Variants in DLGAP1 observed in about 807,000 individuals in gnomAD.
DLGAP1 encodes the protein disks large-associated protein 1.
In DLGAP1, 11 loss-of-function variants were observed where a neutral mutation model predicts 90.8. That is an observed-to-expected ratio of 0.12 (90% confidence interval 0.08 to 0.20). The LOEUF is 0.20. Among genes scored for constraint, DLGAP1 ranks in the 10% least tolerant of loss-of-function variants. DLGAP1 has a pLI of 1.00. For missense variants in DLGAP1, 1,050 were observed against 1,333.8 expected, an observed-to-expected ratio of 0.79 and a Z score of 3.31; for synonymous variants, 558 against 540.7, an observed-to-expected ratio of 1.03 and a Z score of -0.44.
chr18:4,313,380 C>T (rs1377964707), intron 1 of DLGAP1, among the ~76,000 whole-genome samples: 1 of 152,038 alleles, frequency 6.6e-6, no homozygotes, highest in Non-Finnish European at 1.5e-5. Flanking sequence ...GAAATGGCTA[C>T]CTGTTTGAGG....
chr18:3,533,074 C>T (rs2052116346), intron 10 of DLGAP1, among the ~76,000 whole-genome samples: 1 of 152,048 alleles, frequency 6.6e-6, no homozygotes, highest in Non-Finnish European at 1.5e-5. Context: ...GGCGGATTGC[C>T]TGAGTTCAGT....
intron 1 of DLGAP1, among the ~76,000 whole-genome samples, chr18:4,274,778 G>A (rs1049562694): frequency 6.6e-6 from 1 of 152,072 alleles, no homozygotes; most frequent in African/African-American, 2.4e-5. Flanking sequence ...TAGAAATGAT[G>A]TTTATTTTGT....
chr18:3,881,710 G>C (rs1394086857), intron 3 of DLGAP1, among the ~76,000 whole-genome samples: 1 of 152,026 alleles, frequency 6.6e-6, no homozygotes, highest in Non-Finnish European at 1.5e-5. Flanking sequence ...TCAGGAGATC[G>C]AGACCATCCT....
rs932150535 is a variant in DLGAP1 at position 3,901,398 on chromosome 18, G to A, written c.-72-21258C>T. On this transcript the variant is annotated intron_variant, in intron 3 of 12. Transcript: ENST00000315677. ...CACTGTGGGGTGACCACGGTTACCC[G>A]TAAGGACAATACACTTTCTGCTTTA... is the stretch of plus-strand genomic sequence containing the variant. Among the ~76,000 whole-genome samples, 12 of 152,124 alleles carry A rather than the reference G, an allele frequency of 7.9e-5. No homozygotes were observed. The South Asian group carries it at 8.3e-4, about 11-fold the overall frequency.
At chr18:3,780,381 A>G (rs1192306934) in intron 5 of DLGAP1, among the ~76,000 whole-genome samples, 1 of 152,168 alleles carries the variant, frequency 6.6e-6, no homozygotes, top group Admixed American at 6.5e-5. Flanking sequence ...CAAGGTGTCA[A>G]CAGTGCGGTG....
intron 1 of DLGAP1, among the ~76,000 whole-genome samples, chr18:4,405,342 C>A (rs775150603): frequency 2.0e-5 from 3 of 152,078 alleles, no homozygotes; most frequent in African/African-American, 4.8e-5. Context: ...TACAATACCT[C>A]CTATGTCATT....
intron 7 of DLGAP1, among the ~76,000 whole-genome samples, chr18:3,606,017 A>G (rs183439017): frequency 3.7e-4 from 56 of 151,950 alleles, no homozygotes; most frequent in African/African-American, 1.1e-3. Context: ...GGACATTAAG[A>G]AAAAAAAAGG....
In DLGAP1 at chr18:4,322,943, GAAAAAAAAAAAAA is replaced by G. The variant is rs60113288; in HGVS notation, c.-267+132050_-267+132062del. ...GCCACTGCACTCCAGCCTGGGCACA[GAAAAAAAAAAAAA>G]AAAAAAAAAAAAGGAAAAAGCTACT... On this transcript the variant is annotated intron_variant, in intron 1 of 12. Transcript: ENST00000315677. Among the ~76,000 whole-genome samples, 10 of 97,606 alleles carry G rather than the reference GAAAAAAAAAAAAA, an allele frequency of 1.0e-4. No homozygotes were observed. The Admixed American group carries it at 1.3e-3, about 12-fold the overall frequency. 64.0% of individuals were successfully genotyped at this position (97,606 alleles called of 152,430 possible).
At position 3,526,767 on chromosome 18, in the gene DLGAP1, G is replaced by A. The variant is rs954635999; in HGVS notation, c.2479+7427C>T. 1.3e-5 allele frequency among the ~76,000 whole-genome samples: 2 copies of A among 152,110 alleles called. No individual in the cohort carries two copies. Among genetic ancestry groups the A allele is most frequent in the Non-Finnish European group, 2.9e-5 (2 of 68,028 alleles). The stretch of plus-strand genomic sequence containing the variant: ...AGCTCCATCTGGTCGTTTCATCCCC[G>A]GTTAGATAATACCAGACGTATCTAT... On this transcript the variant is annotated intron_variant, in intron 10 of 12. Transcript: ENST00000315677. This position sits in a 1 kb window ranked among gnomAD's most constrained non-coding sequence, Gnocchi z 4.7.
intron 3 of DLGAP1, among the ~76,000 whole-genome samples, chr18:3,897,986 G>A (rs958518302): frequency 4.0e-5 from 6 of 151,738 alleles, no homozygotes; most frequent in South Asian, 4.2e-4. Context: ...AGTAGAGACG[G>A]GGTTTCACCT....
chr18:3,677,690 A>T (rs1403168780), intron 7 of DLGAP1, among the ~76,000 whole-genome samples: 3 of 151,804 alleles, frequency 2.0e-5, no homozygotes, highest in South Asian at 4.2e-4. Context: ...ACGGAGTCTC[A>T]CTCTGTCGCC....
intron 9 of DLGAP1, among the ~76,000 whole-genome samples, chr18:3,564,575 T>G (rs1417998441): frequency 6.6e-6 from 1 of 152,166 alleles, no homozygotes; most frequent in South Asian, 2.1e-4. Context: ...CACAAGGAGA[T>G]TTTTTTTCTC....
chr18:4,452,795 AG>A (rs2083867081), intron 1 of DLGAP1, among the ~76,000 whole-genome samples: 1 of 151,932 alleles, frequency 6.6e-6, no homozygotes, highest in Non-Finnish European at 1.5e-5. Flanking sequence ...ATTCCCTCCT[AG>A]GGAAAACTCA....
chr18:4,373,728 C>T (rs571872504), intron 1 of DLGAP1, among the ~76,000 whole-genome samples: 1 of 152,204 alleles, frequency 6.6e-6, no homozygotes, highest in Non-Finnish European at 1.5e-5. Context: ...GCCCTTATTT[C>T]TTTTCTTTAA....
intron 1 of DLGAP1, among the ~76,000 whole-genome samples, chr18:4,216,731 T>A (rs1349082724): frequency 1.3e-5 from 2 of 152,106 alleles, no homozygotes; most frequent in Non-Finnish European, 2.9e-5. Context: ...GTAGACCTTA[T>A]TTTTAGAGCA....
intron 1 of DLGAP1, among the ~76,000 whole-genome samples, chr18:4,361,632 A>T (rs2144103954): frequency 6.6e-6 from 1 of 152,340 alleles, no homozygotes; most frequent in East Asian, 1.9e-4. Flanking sequence ...TAAATGTAAG[A>T]TCTAAAATTA....
In DLGAP1 at chr18:3,879,525, T is replaced by C; in HGVS notation, c.544A>G (p.Ser182Gly). 6.2e-7 allele frequency: 1 copy of C among 1,602,110 alleles called. No homozygotes were observed. Among genetic ancestry groups the C allele is most frequent in the Non-Finnish European group, 8.5e-7 (1 of 1,179,208 alleles). The change falls in exon 4 of 13, where the codon AGC becomes GGC. Residue 182 changes from serine (S) to glycine (G), a missense_variant. Coordinates refer to ENST00000315677, the MANE Select transcript of DLGAP1 (RefSeq NM_004746.4). The surrounding 1 kb of genome is among the most constrained non-coding windows in gnomAD (Gnocchi z 6.6). The part of the protein sequence containing the change: ...EAQAARYGKR[S>G]KSKERRAEPK... ...TCCGCGCGCCGCTCCTTGCTCTTGC[T>C]GCGTTTGCCATAGCGCGCCGCCTGC... is the stretch of plus-strand genomic sequence containing the variant.
intron 9 of DLGAP1, among the ~76,000 whole-genome samples, chr18:3,540,021 T>C (rs1287352892): frequency 7.0e-6 from 1 of 143,726 alleles, no homozygotes; most frequent in Non-Finnish European, 1.5e-5. Context: ...GCTGAATATA[T>C]GTGGGATCTG....
At chr18:4,389,062 T>A (rs970450724) in intron 1 of DLGAP1, among the ~76,000 whole-genome samples, 1 of 152,180 alleles carries the variant, frequency 6.6e-6, no homozygotes, top group African/African-American at 2.4e-5. Context: ...TGTACACCTA[T>A]GTTCATAGTA....
Sources: allele counts gnomAD v4.1 joint callset (sites outside exome capture counted in the v4.1 genomes callset), GRCh38; gene constraint gnomAD v4.1.1; non-coding constraint Gnocchi (gnomAD v3.1); transcripts MANE v1.5; gene names NCBI Gene and HGNC (gene_info 2026-07-23, HGNC 2026-07-21).